Variants in MACROD2 observed in about 807,000 individuals in gnomAD.
MACROD2 encodes the protein mono-ADP ribosylhydrolase 2.
A neutral mutation model predicts 70.4 loss-of-function variants in MACROD2; 36 were observed. That is an observed-to-expected ratio of 0.51 (90% CI 0.39 to 0.68). The LOEUF (loss-of-function observed/expected upper bound fraction) is 0.68, where lower values mean the gene tolerates loss of function less well. Among genes scored for constraint, MACROD2 ranks in the 30% least tolerant of loss-of-function variants. The pLI is 0.00. For missense variants in MACROD2, 496 were observed against 538.4 expected, an observed-to-expected ratio of 0.92 and a Z score of 0.78; for synonymous variants, 172 against 178.8, an observed-to-expected ratio of 0.96 and a Z score of 0.30.
At chr20:15,756,256 G>A (rs1214300199) in intron 8 of MACROD2, among the ~76,000 whole-genome samples, 2 of 152,192 alleles carry the variant, frequency 1.3e-5, no homozygotes, top group Non-Finnish European at 2.9e-5. Flanking sequence ...GTAACGAGAT[G>A]CCATCTGCAT....
intron 4 of MACROD2, among the ~76,000 whole-genome samples, chr20:14,634,043 T>G (rs1050159587): frequency 2.6e-5 from 4 of 152,194 alleles, no homozygotes; most frequent in African/African-American, 9.6e-5. Context: ...CACCTGACAC[T>G]TTGGGTCCAG....
chr20:15,461,006 A>ATATATATATATATATATATTTTTT, intron 7 of MACROD2, among the ~76,000 whole-genome samples: 64 of 66,958 alleles, frequency 9.6e-4, no homozygotes, highest in Middle Eastern at 8.8e-3. Flanking sequence ...ATATATATAT[A>ATATATATATATATATATATTTTTT]TTTTTTTTTA....
At chr20:15,758,044 G>A (rs183763760) in intron 8 of MACROD2, among the ~76,000 whole-genome samples, 297 of 152,106 alleles carry the variant, frequency 2.0e-3, no homozygotes, top group Non-Finnish European at 3.4e-3. Context: ...TTTTATAAGC[G>A]ATTCCAAAAC....
intron 6 of MACROD2, among the ~76,000 whole-genome samples, chr20:15,428,300 T>A (rs2146352493): frequency 6.6e-6 from 1 of 152,290 alleles, no homozygotes; most frequent in Non-Finnish European, 1.5e-5. Flanking sequence ...GGCCATCTTG[T>A]TGAAAACATT....
intron 3 of MACROD2, among the ~76,000 whole-genome samples, chr20:14,150,948 A>G (rs533379597): frequency 9.8e-5 from 15 of 152,312 alleles, no homozygotes; most frequent in Non-Finnish European, 1.8e-4. Flanking sequence ...CAAAATAGCA[A>G]CATAGTGGAG....
Position 15,276,411 on chromosome 20 carries a change from AAAAT to A in MACROD2, c.540+46354_540+46357del, listed in dbSNP as rs1267750330. On this transcript the variant is annotated intron_variant, in intron 6 of 17. Coordinates refer to ENST00000684519, the MANE Select transcript of MACROD2 (RefSeq NM_001351661.2). ...AGAGACTCCCTCTCAAAAAAATAAAAAAATAAAAAAATCTCATTGATCACCTTTG... is the reference window on the plus strand; with the variant it reads ...AGAGACTCCCTCTCAAAAAAATAAAAAAAAAAATCTCATTGATCACCTTTG... 4.3e-4 allele frequency among the ~76,000 whole-genome samples: 66 copies of A among 151,822 alleles called. 13 individuals carry two copies. Among genetic ancestry groups the A allele is most frequent in the East Asian group, 5.8e-4 (3 of 5,184 alleles).
intron 6 of MACROD2, among the ~76,000 whole-genome samples, chr20:15,300,334 AT>A (rs2146124822): frequency 6.6e-6 from 1 of 152,318 alleles, no homozygotes; most frequent in East Asian, 1.9e-4. Flanking sequence ...AAGTTTCAAA[AT>A]AGTTTCCTGT....
intron 5 of MACROD2, among the ~76,000 whole-genome samples, chr20:14,890,371 G>C (rs1384359086): frequency 1.3e-5 from 2 of 152,066 alleles, no homozygotes; most frequent in Non-Finnish European, 2.9e-5. Context: ...CAGAGAAAGA[G>C]GCTAAGAAGA....
At chr20:14,487,732 A>T (rs1033985124) in intron 3 of MACROD2, among the ~76,000 whole-genome samples, 3 of 152,172 alleles carry the variant, frequency 2.0e-5, no homozygotes. Flanking sequence ...CTTAATAAGA[A>T]TTCTCAGGGG....
intron 3 of MACROD2, among the ~76,000 whole-genome samples, chr20:14,386,615 G>A (rs77969902): frequency 0.016 from 2,385 of 150,756 alleles, 67 homozygotes; most frequent in African/African-American, 0.055. Flanking sequence ...TCTCTCTCTT[G>A]CTCGCTTCTG....
chr20:14,646,872 G>A (rs1436836091), intron 4 of MACROD2, among the ~76,000 whole-genome samples: 1 of 151,988 alleles, frequency 6.6e-6, no homozygotes, highest in Non-Finnish European at 1.5e-5. Flanking sequence ...TTAAAACGCA[G>A]CAATTACGTG....
At chr20:15,088,835 AC>A (rs2075772636) in intron 5 of MACROD2, among the ~76,000 whole-genome samples, 1 of 151,980 alleles carries the variant, frequency 6.6e-6, no homozygotes, top group Admixed American at 6.6e-5. Flanking sequence ...CAATTTTAGA[AC>A]CTCTTAGGAG....
At chr20:14,857,785 G>A (rs13045209) in intron 5 of MACROD2, among the ~76,000 whole-genome samples, 50,706 of 151,904 alleles carry the variant, frequency 0.33, 9,358 homozygotes, top group Non-Finnish European at 0.42. Context: ...GAGTTATTTA[G>A]TCAATAGGGA....
At chr20:15,482,728 C>T (rs957776194) in intron 7 of MACROD2, among the ~76,000 whole-genome samples, 4 of 152,038 alleles carry the variant, frequency 2.6e-5, no homozygotes, top group Non-Finnish European at 2.9e-5. Context: ...TACCAGCATT[C>T]GGTATTGTCA....
intron 5 of MACROD2, among the ~76,000 whole-genome samples, chr20:15,061,359 C>T (rs1218573546): frequency 6.6e-6 from 1 of 152,182 alleles, no homozygotes. Flanking sequence ...CCCTTGGTGG[C>T]ATCACTCAAT....
At chr20:14,055,630 G>A (rs1290727359) in intron 2 of MACROD2, among the ~76,000 whole-genome samples, 1 of 151,978 alleles carries the variant, frequency 6.6e-6, no homozygotes, top group African/African-American at 2.4e-5. Context: ...GAATGAATGA[G>A]AATGTCTTTT....
At chr20:14,253,636 A>G (rs2082029623) in intron 3 of MACROD2, among the ~76,000 whole-genome samples, 1 of 152,110 alleles carries the variant, frequency 6.6e-6, no homozygotes, top group Admixed American at 6.6e-5. Context: ...ACTTCCTTGC[A>G]ATTGAAATCA....
At chr20:14,400,524 A>G (rs1047180182) in intron 3 of MACROD2, among the ~76,000 whole-genome samples, 1 of 152,152 alleles carries the variant, frequency 6.6e-6, no homozygotes, top group African/African-American at 2.4e-5. Context: ...TATCCTTTCA[A>G]TATTCTGCCA....
At chr20:14,572,582 C>A (rs1009298867) in intron 4 of MACROD2, among the ~76,000 whole-genome samples, 3 of 152,066 alleles carry the variant, frequency 2.0e-5, no homozygotes, top group Non-Finnish European at 4.4e-5. Flanking sequence ...ATGGATGAAT[C>A]TCACAGACAT....
Sources: gnomAD v4.1 joint callset for allele counts (sites outside exome capture counted in the v4.1 genomes callset) on GRCh38, gnomAD v4.1.1 for gene constraint, MANE v1.5 for transcripts, NCBI Gene and HGNC (gene_info 2026-07-23, HGNC 2026-07-21) for gene names.